TYR: variants seen among roughly 807,000 people sequenced by gnomAD.
TYR encodes LB24-AB.
TYR carries 58 observed loss-of-function variants against 51.5 expected under a neutral mutation model. The observed-to-expected ratio is 1.13, with a 90% CI of 0.91 to 1.40. The LOEUF (loss-of-function observed/expected upper bound fraction) is 1.40, where lower values mean the gene tolerates loss of function less well. TYR is among the 40% of genes most tolerant of loss of function. The pLI is 0.00. For missense variants in TYR, 732 were observed against 647.4 expected (o/e 1.13, Z -1.42); for synonymous variants, 263 against 235.2 (o/e 1.12, Z -1.08).
intron 4 of TYR, among the ~76,000 whole-genome samples, chr11:89,294,461 T>C (rs1192732909): frequency 6.6e-6 from 1 of 152,104 alleles, no homozygotes; most frequent in East Asian, 1.9e-4. Context: ...GCCCCTGCCC[T>C]CCAGCAGGGA....
At chr11:89,291,478 CTTTT>C (rs894999847) in intron 4 of TYR, among the ~76,000 whole-genome samples, 1 of 150,910 alleles carries the variant, frequency 6.6e-6, no homozygotes, top group African/African-American at 2.4e-5. Context: ...AGTAAAAAGA[CTTTT>C]TTTTTATTTT....
chr11:89,260,355 G>C (rs1944442481), intron 3 of TYR, among the ~76,000 whole-genome samples: 1 of 151,886 alleles, frequency 6.6e-6, no homozygotes. Flanking sequence ...AGAGAAGAGA[G>C]AACTGACTTC....
intron 2 of TYR, among the ~76,000 whole-genome samples, chr11:89,225,735 A>G (rs920052553): frequency 2.0e-5 from 3 of 151,824 alleles, no homozygotes; most frequent in Non-Finnish European, 4.4e-5. Flanking sequence ...CTTTTATTAT[A>G]TCCTCTGAAA....
At chr11:89,211,749 C>T (rs1390624278) in intron 2 of TYR, among the ~76,000 whole-genome samples, 2 of 152,164 alleles carry the variant, frequency 1.3e-5, no homozygotes, top group African/African-American at 4.8e-5. Context: ...CAAACTGTCT[C>T]TCAGACCACA....
intron 1 of TYR, among the ~76,000 whole-genome samples, chr11:89,186,928 A>G (rs140191050): frequency 1.3e-5 from 2 of 152,318 alleles, no homozygotes; most frequent in African/African-American, 2.4e-5. Context: ...GTGAAGACAG[A>G]GAAAAGGTTT....
intron 1 of TYR, among the ~76,000 whole-genome samples, chr11:89,184,171 A>G (rs1379924447): frequency 1.3e-5 from 2 of 151,344 alleles, no homozygotes; most frequent in Non-Finnish European, 2.9e-5. Context: ...GAACCAGGGT[A>G]GATTTTCTCC....
At chr11:89,284,730 TAC>T (rs749756480) in intron 3 of TYR, 41 bp from the exon 4 acceptor site, 1 of 1,590,984 alleles carries the variant, frequency 6.3e-7, no homozygotes, top group African/African-American at 1.3e-5. Flanking sequence ...GTTTCTTTTA[TAC>T]ACAATATGTT....
At chr11:89,255,368 T>C (rs1944377933) in intron 3 of TYR, among the ~76,000 whole-genome samples, 1 of 151,642 alleles carries the variant, frequency 6.6e-6, no homozygotes, top group African/African-American at 2.4e-5. Context: ...TGTTTTTTCA[T>C]TGACTTTCTG....
At chr11:89,282,047 G>T (rs1396695381) in intron 3 of TYR, among the ~76,000 whole-genome samples, 1 of 151,804 alleles carries the variant, frequency 6.6e-6, no homozygotes, top group African/African-American at 2.4e-5. Context: ...CACTGGTGAA[G>T]AACTTAATCA....
At position 89,284,754 on chromosome 11, in the gene TYR, A is replaced by G. The variant is rs201228823; in HGVS notation, c.1185-19A>G. On this transcript the variant is annotated intron_variant, in intron 3 of 4. Transcript: ENST00000263321. Reference sequence around the variant, plus strand: ...ATACACAATATGTTTCTTAGTCTGAATAACCTTTTCCTCTGCAGTATTTTT... The same window carrying G: ...ATACACAATATGTTTCTTAGTCTGAGTAACCTTTTCCTCTGCAGTATTTTT... 1.8e-5 allele frequency: 29 copies of G among 1,610,322 alleles called. No homozygotes were observed. The highest frequency in any genetic ancestry group is 2.4e-5 in the Non-Finnish European group (28 of 1,177,368).
intron 1 of TYR, among the ~76,000 whole-genome samples, chr11:89,182,161 G>C (rs905942064): frequency 6.6e-6 from 1 of 152,264 alleles, no homozygotes; most frequent in African/African-American, 2.4e-5. Context: ...CTGCCAGCCT[G>C]TCAGTCGCTC....
In TYR at chr11:89,190,013, T is replaced by C. The variant is rs546143730; in HGVS notation, c.820-1189T>C. Among the ~76,000 whole-genome samples the C allele has an allele frequency of 8.2e-4, 125 of 152,270 alleles. 2 individuals carry two copies. In the Middle Eastern group the frequency reaches 0.014, roughly 17 times the overall value. On this transcript the variant is annotated intron_variant, in intron 1 of 4. Transcript: ENST00000263321. ...TTATACACAATGCATTACTCATGTC[T>C]TCGTGGTGATGCTGGTGTAAACCTA...
At chr11:89,224,476 T>C (rs1230206853) in intron 2 of TYR, among the ~76,000 whole-genome samples, 1 of 152,178 alleles carries the variant, frequency 6.6e-6, no homozygotes, top group African/African-American at 2.4e-5. Flanking sequence ...CAGCAGTATC[T>C]TCAAAGTGGC....
intron 3 of TYR, among the ~76,000 whole-genome samples, chr11:89,254,740 C>T (rs1944369103): frequency 6.6e-6 from 1 of 151,544 alleles, no homozygotes; most frequent in African/African-American, 2.4e-5. Flanking sequence ...CTTGCTAATG[C>T]TCTATCAATT....
chr11:89,276,151 T>C (rs899106208), intron 3 of TYR, among the ~76,000 whole-genome samples: 1 of 151,884 alleles, frequency 6.6e-6, no homozygotes, highest in African/African-American at 2.4e-5. Flanking sequence ...TCCAATGTAC[T>C]TGTGCCTGCT....
intron 3 of TYR, among the ~76,000 whole-genome samples, chr11:89,235,459 C>T (rs146440230): frequency 5.1e-4 from 77 of 152,206 alleles, no homozygotes; most frequent in African/African-American, 1.7e-3. Context: ...AAAGAAAATA[C>T]AGTATATGTA....
At chr11:89,203,361 C>A (rs1943625231) in intron 2 of TYR, among the ~76,000 whole-genome samples, 1 of 152,274 alleles carries the variant, frequency 6.6e-6, no homozygotes, top group Middle Eastern at 3.4e-3. Context: ...TGATAAACTC[C>A]CAACCCTGCC....
chr11:89,180,142 A>C (rs1403165754), intron 1 of TYR, among the ~76,000 whole-genome samples: 3 of 152,192 alleles, frequency 2.0e-5, no homozygotes, highest in Non-Finnish European at 4.4e-5. Flanking sequence ...TGTGCAGGAA[A>C]GGCTAGAAAA....
At chr11:89,182,306 A>C (rs1384915262) in intron 1 of TYR, among the ~76,000 whole-genome samples, 4 of 152,178 alleles carry the variant, frequency 2.6e-5, no homozygotes, top group African/African-American at 9.6e-5. Context: ...ACATACATAA[A>C]ATATTAAACT....
Sources: allele counts gnomAD v4.1 joint callset (sites outside exome capture counted in the v4.1 genomes callset), GRCh38; gene constraint gnomAD v4.1.1; transcripts MANE v1.5; gene names NCBI Gene and HGNC (gene_info 2026-07-23, HGNC 2026-07-21).